Variants in FAM13A observed in about 807,000 individuals in gnomAD.
The protein encoded by FAM13A is family with sequence similarity 13 member A.
A neutral mutation model predicts 129.6 loss-of-function variants in FAM13A; 76 were observed. The ratio of observed to expected loss-of-function variants is 0.59; its 90% CI spans 0.49 to 0.71. The LOEUF (loss-of-function observed/expected upper bound fraction) is 0.71, where lower values mean the gene tolerates loss of function less well. FAM13A is among the 30% of genes least tolerant of loss of function. The pLI is 0.00. For synonymous variants in FAM13A, 443 were observed against 449.9 expected, an observed-to-expected ratio of 0.98 and a Z score of 0.20; for missense variants, 1,108 against 1,249.3, an observed-to-expected ratio of 0.89 and a Z score of 1.70.
intron 6 of FAM13A, among the ~76,000 whole-genome samples, chr4:88,865,216 T>C (rs561962514): frequency 6.6e-6 from 1 of 152,310 alleles, no homozygotes; most frequent in Admixed American, 6.5e-5. Context: ...GGAAAAGCCA[T>C]ATTGAGAAAT....
intron 21 of FAM13A, among the ~76,000 whole-genome samples, chr4:88,735,190 T>C (rs1392499070): frequency 6.6e-6 from 1 of 152,204 alleles, no homozygotes; most frequent in Admixed American, 6.5e-5. Flanking sequence ...GTCTATCTCA[T>C]GTTGCTCCAA....
At chr4:88,913,883 A>G (rs1199185203) in intron 5 of FAM13A, among the ~76,000 whole-genome samples, 1 of 152,078 alleles carries the variant, frequency 6.6e-6, no homozygotes, top group Admixed American at 6.5e-5. Context: ...CTCTACACTT[A>G]GTATGTTCAA....
intron 5 of FAM13A, among the ~76,000 whole-genome samples, chr4:88,930,078 A>G (rs1280093241): frequency 6.6e-6 from 1 of 151,880 alleles, no homozygotes; most frequent in African/African-American, 2.4e-5. Context: ...TTTCACATTC[A>G]TATCCTGAAT....
intron 4 of FAM13A, among the ~76,000 whole-genome samples, chr4:88,979,369 G>T (rs10028121): frequency 0.11 from 16,599 of 152,144 alleles, 975 homozygotes; most frequent in African/African-American, 0.15. Flanking sequence ...TGTGAAAAAT[G>T]TATGTTCAAG....
intron 3 of FAM13A, among the ~76,000 whole-genome samples, chr4:89,005,459 T>C (rs892973161): frequency 6.6e-6 from 1 of 152,178 alleles, no homozygotes; most frequent in African/African-American, 2.4e-5. Flanking sequence ...GGTTGAATGA[T>C]AGTTCTGTCT....
intron 5 of FAM13A, among the ~76,000 whole-genome samples, chr4:88,917,710 T>A (rs1402518489): frequency 6.6e-6 from 1 of 152,222 alleles, no homozygotes; most frequent in Non-Finnish European, 1.5e-5. Context: ...GACTTTTCAA[T>A]CTTTTTTCTC....
chr4:88,939,425 C>T (rs1754380525), intron 4 of FAM13A, among the ~76,000 whole-genome samples: 1 of 152,126 alleles, frequency 6.6e-6, no homozygotes, highest in African/African-American at 2.4e-5. Context: ...CATTTCATGT[C>T]CACTCCCCTA....
At chr4:88,922,343 C>T (rs1751262073) in intron 5 of FAM13A, among the ~76,000 whole-genome samples, 1 of 151,974 alleles carries the variant, frequency 6.6e-6, no homozygotes, top group Non-Finnish European at 1.5e-5. Flanking sequence ...GACATTATAA[C>T]AAACTGTCTC....
chr4:88,907,591 T>C (rs554649701), intron 5 of FAM13A, among the ~76,000 whole-genome samples: 3 of 152,354 alleles, frequency 2.0e-5, no homozygotes, highest in Non-Finnish European at 4.4e-5. Flanking sequence ...ACTGCATTTA[T>C]AATGCCGTTT....
chr4:88,899,485 G>T (rs1302269604), intron 6 of FAM13A, among the ~76,000 whole-genome samples: 1 of 151,580 alleles, frequency 6.6e-6, no homozygotes, highest in Admixed American at 6.6e-5. Context: ...CTTATGGAAA[G>T]AAAATAAGTA....
intron 6 of FAM13A, among the ~76,000 whole-genome samples, chr4:88,860,730 C>T (rs1436374014): frequency 6.6e-6 from 1 of 152,186 alleles, no homozygotes; most frequent in East Asian, 1.9e-4. Context: ...GTAGGCCCTA[C>T]TATAAACAAG....
intron 18 of FAM13A, 87 bp downstream of exon 18, chr4:88,747,544 C>T (rs1741615040): frequency 9.2e-7 from 1 of 1,084,938 alleles, no homozygotes; most frequent in Admixed American, 1.8e-5. Flanking sequence ...GCATCATCTT[C>T]CCACTGGGAT....
intron 7 of FAM13A, among the ~76,000 whole-genome samples, chr4:88,844,696 C>T (rs896419585): frequency 8.5e-5 from 13 of 152,056 alleles, no homozygotes; most frequent in Non-Finnish European, 1.2e-4. Context: ...GCAGGGCAAG[C>T]GGTTCCTTGT....
intron 10 of FAM13A, among the ~76,000 whole-genome samples, chr4:88,785,742 G>A (rs529290698): frequency 6.6e-6 from 1 of 152,332 alleles, no homozygotes; most frequent in East Asian, 1.9e-4. Context: ...TGGGGGTTTT[G>A]AGAGATAAGG....
At chr4:88,941,824 G>C (rs59979674) in intron 4 of FAM13A, among the ~76,000 whole-genome samples, 3 of 152,274 alleles carry the variant, frequency 2.0e-5, no homozygotes, top group Admixed American at 6.5e-5. Context: ...TGCTATGGCA[G>C]GGCACATAAC....
At chr4:88,929,123 T>C (rs921543913) in intron 5 of FAM13A, among the ~76,000 whole-genome samples, 4 of 152,166 alleles carry the variant, frequency 2.6e-5, no homozygotes, top group African/African-American at 7.2e-5. Context: ...ATAAAAACTT[T>C]AGTTCTCCTT....
At chr4:88,790,136 C>T (rs890422292) in intron 9 of FAM13A, among the ~76,000 whole-genome samples, 1 of 152,076 alleles carries the variant, frequency 6.6e-6, no homozygotes, top group African/African-American at 2.4e-5. Context: ...AGACAGGGCC[C>T]AAGGCGTCCT....
At chr4:89,032,221 G>A (rs1043378708) in intron 1 of FAM13A, among the ~76,000 whole-genome samples, 16 of 151,866 alleles carry the variant, frequency 1.1e-4, no homozygotes, top group African/African-American at 3.9e-4. Context: ...CTCCAGCCTG[G>A]GCAACAGAGC....
chr4:88,830,163 T>C (rs1158108076), intron 7 of FAM13A, among the ~76,000 whole-genome samples: 1 of 151,966 alleles, frequency 6.6e-6, no homozygotes, highest in African/African-American at 2.4e-5. Context: ...GTGGTGCAGG[T>C]GGGGTGTTAG....
Sources: allele counts gnomAD v4.1 joint callset (sites outside exome capture counted in the v4.1 genomes callset), GRCh38; gene constraint gnomAD v4.1.1; transcripts MANE v1.5; gene names NCBI Gene and HGNC (gene_info 2026-07-23, HGNC 2026-07-21).